Variants in MSH4 observed in about 807,000 individuals in gnomAD.
MSH4 encodes mutS homolog 4.
A neutral mutation model predicts 113.7 loss-of-function variants in MSH4; 106 were observed. That is an observed-to-expected ratio of 0.93 (90% CI 0.80 to 1.10). The LOEUF is 1.10. MSH4 is among the 50% of genes least tolerant of loss of function. MSH4 has a pLI of 0.00. For synonymous variants in MSH4, 368 were observed against 380.2 expected (o/e 0.97, Z 0.37); for missense variants, 1,061 against 1,093.7 (o/e 0.97, Z 0.42).
chr1:75,798,698 G>C (rs1649872021), intron 1 of MSH4, among the ~76,000 whole-genome samples: 1 of 151,238 alleles, frequency 6.6e-6, no homozygotes, highest in Non-Finnish European at 1.5e-5. Flanking sequence ...CTGGGACCAA[G>C]GCATGTGCCC....
chr1:75,841,048 C>G (rs1650948257), intron 7 of MSH4, among the ~76,000 whole-genome samples: 1 of 151,796 alleles, frequency 6.6e-6, no homozygotes, highest in Admixed American at 6.6e-5. Flanking sequence ...CATGCCTGTG[C>G]AAGGTATGTT....
Position 75,852,877 on chromosome 1 carries a change from C to T in MSH4, c.1230+4601C>T, listed in dbSNP as rs535943164. Reference sequence around the variant, plus strand: ...CCCGATCAAAAAAATGAATACTTAACTCTCTTTTCTTCCTTATCTCCCATA... The same window carrying T: ...CCCGATCAAAAAAATGAATACTTAATTCTCTTTTCTTCCTTATCTCCCATA... On this transcript the variant is annotated intron_variant, in intron 8 of 19. Coordinates refer to ENST00000263187, the MANE Select transcript of MSH4 (RefSeq NM_002440.4). 3.9e-5 allele frequency among the ~76,000 whole-genome samples: 6 copies of T among 152,210 alleles called. No homozygotes were observed. In the East Asian group the frequency reaches 7.7e-4, roughly 20 times the overall value.
chr1:75,908,870 A>T (rs539858209), intron 19 of MSH4, among the ~76,000 whole-genome samples: 1 of 152,214 alleles, frequency 6.6e-6, no homozygotes, highest in East Asian at 1.9e-4. Flanking sequence ...CACATCTCAG[A>T]TGGTAGGGTT....
chr1:75,809,740 A>G (rs554424903), intron 3 of MSH4, among the ~76,000 whole-genome samples: 5 of 151,062 alleles, frequency 3.3e-5, no homozygotes, highest in African/African-American at 9.7e-5. Flanking sequence ...TTCCGGGTTC[A>G]AGCAATTCTC....
At chr1:75,880,453 C>A (rs1019027540) in intron 13 of MSH4, among the ~76,000 whole-genome samples, 1 of 152,048 alleles carries the variant, frequency 6.6e-6, no homozygotes, top group Non-Finnish European at 1.5e-5. Context: ...TTCCTATGGT[C>A]TGTAAGTCCT....
intron 8 of MSH4, among the ~76,000 whole-genome samples, chr1:75,854,555 T>C (rs1056051192): frequency 3.3e-5 from 5 of 152,140 alleles, no homozygotes; most frequent in Admixed American, 1.3e-4. Flanking sequence ...ATGGCTTCCT[T>C]GTCCTCCTGT....
Position 75,879,148 on chromosome 1 carries a change from G to A in MSH4, c.1677+20G>A. On this transcript the variant is annotated intron_variant, in intron 12 of 19. Coordinates refer to ENST00000263187, the MANE Select transcript of MSH4 (RefSeq NM_002440.4). The stretch of plus-strand genomic sequence containing the variant: ...ATTAAGGTTCATTTTAGAGTGGTTA[G>A]GAAATTAGTGTTTCTGATTTTATAG... The A allele has an allele frequency of 5.0e-6, 8 of 1,597,402 alleles. No homozygotes were observed. Among genetic ancestry groups the A allele is most frequent in the Non-Finnish European group, 6.8e-6 (8 of 1,168,686 alleles).
intron 18 of MSH4, among the ~76,000 whole-genome samples, chr1:75,899,180 C>A (rs533204479): frequency 9.9e-5 from 15 of 152,258 alleles, no homozygotes; most frequent in Non-Finnish European, 1.9e-4. Flanking sequence ...ACTGTTACAT[C>A]TTCTGAGAAA....
chr1:75,899,686 C>G lies in MSH4; in HGVS notation c.2599C>G (p.Gln867Glu). The G allele has an allele frequency of 6.7e-7, 1 of 1,500,722 alleles. No individual in the cohort carries two copies. 93.0% of individuals were successfully genotyped at this position (1,500,722 alleles called of 1,614,324 possible). Residue 867 changes from glutamine (Q) to glutamate (E), a missense_variant, in exon 19 of 20, where the codon CAA (glutamine) becomes GAA (glutamate). Gln to Glu is a conservative substitution (Grantham distance 29). Transcript: ENST00000263187. ...CTTGGATGCCAAGGAAATCACAACT[C>G]AAATTACGAGACAAATTTTGGTAAG... ...IVLDAKEITT[Q>E]ITRQILQNQR...
chr1:75,848,098 A>G (rs920791950), intron 7 of MSH4, 111 bp from the exon 8 acceptor site: 7 of 607,174 alleles, frequency 1.2e-5, no homozygotes, highest in African/African-American at 1.1e-4. Context: ...AAAAAGTAAT[A>G]TTTGTAGGTA....
At chr1:75,810,461 G>A (rs1489981537) in intron 3 of MSH4, among the ~76,000 whole-genome samples, 2 of 139,780 alleles carry the variant, frequency 1.4e-5, no homozygotes, top group African/African-American at 2.6e-5. Context: ...CACCATGTTG[G>A]CCAGGTGGGT....
chr1:75,822,985 C>T (rs1227821181), intron 7 of MSH4, among the ~76,000 whole-genome samples: 1 of 152,082 alleles, frequency 6.6e-6, no homozygotes, highest in Non-Finnish European at 1.5e-5. Flanking sequence ...TGGTTTAAAA[C>T]AACAGAAAGT....
At chr1:75,814,291 CAAAAAA>C (rs138983828) in intron 4 of MSH4, among the ~76,000 whole-genome samples, 14 of 101,260 alleles carry the variant, frequency 1.4e-4, no homozygotes, top group Non-Finnish European at 1.4e-4. Flanking sequence ...TATCTCTGCT[CAAAAAA>C]AAAAAAAAAA....
intron 6 of MSH4, among the ~76,000 whole-genome samples, chr1:75,818,265 T>C (rs1650332790): frequency 6.6e-6 from 1 of 152,220 alleles, no homozygotes; most frequent in African/African-American, 2.4e-5. Flanking sequence ...CTCTTTGGCC[T>C]ATAAGGACTT....
chr1:75,816,515 C>A lies in MSH4; in HGVS notation c.958C>A (p.Leu320Ile), dbSNP rs551334702. The A allele has an allele frequency of 1.3e-6, 2 of 1,588,280 alleles. No homozygotes were observed. Among genetic ancestry groups the A allele is most frequent in the Admixed American group, 1.7e-5 (1 of 58,542 alleles). Residue 320 changes from leucine to isoleucine, a missense_variant, in exon 6 of 20, where the codon CTT (leucine) becomes ATT (isoleucine). Coordinates refer to ENST00000263187, the MANE Select transcript of MSH4 (RefSeq NM_002440.4). ...GATAGATTCATCATCAGCCCAAAAC[C>A]TTGAATTGTTAATTAATAATCAAGA... ...AMIDSSSAQN[L>I]ELLINNQDYR...
intron 19 of MSH4, among the ~76,000 whole-genome samples, chr1:75,906,305 T>C (rs1187054892): frequency 6.7e-6 from 1 of 148,546 alleles, no homozygotes; most frequent in East Asian, 2.0e-4. Context: ...TTCAATACTA[T>C]TACTGATAAA....
At chr1:75,842,511 ATCAT>A (rs1650979996) in intron 7 of MSH4, among the ~76,000 whole-genome samples, 1 of 152,266 alleles carries the variant, frequency 6.6e-6, no homozygotes, top group African/African-American at 2.4e-5. Context: ...ATATATGAAT[ATCAT>A]TAATCATTAG....
intron 3 of MSH4, among the ~76,000 whole-genome samples, chr1:75,810,218 T>C (rs905790334): frequency 1.1e-5 from 1 of 90,270 alleles, no homozygotes; most frequent in Non-Finnish European, 2.5e-5. Flanking sequence ...TTATTGTTAT[T>C]GGTGGTGGTG....
At chr1:75,856,751 T>A (rs367588581) in intron 8 of MSH4, among the ~76,000 whole-genome samples, 1 of 152,234 alleles carries the variant, frequency 6.6e-6, no homozygotes, top group Admixed American at 6.5e-5. Flanking sequence ...TAAACATACA[T>A]GTACATGTGT....
Sources: gnomAD v4.1 joint callset for allele counts (sites outside exome capture counted in the v4.1 genomes callset) on GRCh38, gnomAD v4.1.1 for gene constraint, MANE v1.5 for transcripts, NCBI Gene and HGNC (gene_info 2026-07-23, HGNC 2026-07-21) for gene names.